Variants in MITF observed in about 807,000 individuals in gnomAD.
MITF encodes melanocyte inducing transcription factor, also known as microphthalmia-associated transcription factor.
Under a neutral mutation model 60.5 loss-of-function variants are expected in MITF, and 17 were observed. That is an observed-to-expected ratio of 0.28 (90% CI 0.19 to 0.42). The LOEUF is 0.42. MITF is among the 10% of genes least tolerant of loss of function. MITF has a pLI of 1.00. For synonymous variants in MITF, 260 were observed against 248.5 expected (o/e 1.05, Z -0.43); for missense variants, 622 against 683.5 (o/e 0.91, Z 1.00).
At position 69,739,527 on chromosome 3, in the gene MITF, C is replaced by T. The variant is rs1703445836; in HGVS notation, c.-71C>T. On this transcript the variant is annotated 5_prime_UTR_variant, in exon 1 of 10. Transcript: ENST00000352241. ...GGCGCACGGCTCGGGGGACCCAGGC[C>T]CAGCTACCTTCCCTCCGCCCCCGGG... The T allele has an allele frequency of 7.2e-7, 1 of 1,395,058 alleles. No individual in the cohort carries two copies. 86.4% of individuals were successfully genotyped at this position (1,395,058 alleles called of 1,614,324 possible).
At chr3:69,781,609 G>A (rs1360819923) in intron 1 of MITF, among the ~76,000 whole-genome samples, 2 of 152,080 alleles carry the variant, frequency 1.3e-5, no homozygotes, top group Non-Finnish European at 2.9e-5. Context: ...GTATTTTTCC[G>A]ATAAAGGGCC....
intron 9 of MITF, among the ~76,000 whole-genome samples, chr3:69,961,779 T>A (rs35996477): frequency 0.27 from 40,602 of 152,164 alleles, 5,450 homozygotes; most frequent in South Asian, 0.29. Context: ...CTTCTACAAG[T>A]ATTAAAATGT....
chr3:69,932,164 G>T (rs1319005673), intron 2 of MITF, among the ~76,000 whole-genome samples: 1 of 152,166 alleles, frequency 6.6e-6, no homozygotes, highest in Non-Finnish European at 1.5e-5. Context: ...GAGAGCAGGG[G>T]TCAGCATTTT....
rs561955864 is a variant in MITF, at chr3:69,959,012, G to A, written c.1032-261G>A. Among the ~76,000 whole-genome samples the A allele has an allele frequency of 1.9e-4, 28 of 150,980 alleles. No individual in the cohort carries two copies. In the East Asian group the frequency reaches 5.3e-3, roughly 29 times the overall value. ...ACTTTGGGGACTTGCGGGGAAGGGA[G>A]GGAGGGGGTGGGATGGGGGTGAGGG... On this transcript the variant is annotated intron_variant, in intron 8 of 9. Coordinates refer to ENST00000352241, the MANE Select transcript of MITF (RefSeq NM_001354604.2).
chr3:69,949,243 T>TA lies in MITF; in HGVS notation c.880+75_880+76insA, dbSNP rs2066179810. The TA allele has an allele frequency of 1.7e-5, 20 of 1,145,072 alleles. No homozygotes were observed. In the Admixed American group the frequency reaches 3.2e-4, roughly 18 times the overall value. The allele number at this position is 1,145,072 out of a possible 1,614,324, so 70.9% of individuals were successfully genotyped here. On this transcript the variant is annotated intron_variant, in intron 6 of 9. Coordinates refer to ENST00000352241, the MANE Select transcript of MITF (RefSeq NM_001354604.2). ...TGATAAGACAAAGTTATTGATATAG[T>TA]GATGTGCAAACTATATCCAACTCAT...
intron 7 of MITF, among the ~76,000 whole-genome samples, chr3:69,955,640 C>A (rs780377858): frequency 7.2e-5 from 11 of 151,956 alleles, no homozygotes; most frequent in Non-Finnish European, 1.2e-4. Flanking sequence ...ACAGTGAAAC[C>A]CCCTTCTCTA....
chr3:69,874,897 A>G (rs751240625), intron 1 of MITF, among the ~76,000 whole-genome samples: 4 of 152,216 alleles, frequency 2.6e-5, no homozygotes, highest in Non-Finnish European at 4.4e-5. Context: ...TTCAGAGCCC[A>G]TGTCCAAAAT....
At chr3:69,741,825 C>G (rs1029038522) in intron 1 of MITF, among the ~76,000 whole-genome samples, 2 of 152,216 alleles carry the variant, frequency 1.3e-5, no homozygotes, top group African/African-American at 4.8e-5. Context: ...TCGTCGACAT[C>G]TGTTGTGTGA....
At chr3:69,811,628 G>A (rs565240848) in intron 1 of MITF, among the ~76,000 whole-genome samples, 2 of 152,336 alleles carry the variant, frequency 1.3e-5, no homozygotes, top group South Asian at 4.1e-4. Context: ...CAAGCCAGTG[G>A]TGAACATTCA....
At chr3:69,888,401 T>G (rs1222564435) in intron 2 of MITF, among the ~76,000 whole-genome samples, 1 of 151,472 alleles carries the variant, frequency 6.6e-6, no homozygotes, top group East Asian at 1.9e-4. Flanking sequence ...GCAAAGAACC[T>G]TTTCTTTTTT....
rs111261020 is a variant in MITF at position 69,758,117 on chromosome 3, G to GCACA, written c.104+18438_104+18441dup. On this transcript the variant is annotated intron_variant, in intron 1 of 9. Coordinates refer to ENST00000352241, the MANE Select transcript of MITF (RefSeq NM_001354604.2). ...ATATATATATATAAATATATCATATGCACACACACACACACACACACACAC... is the reference window on the plus strand; with the variant it reads ...ATATATATATATAAATATATCATATGCACACACACACACACACACACACACACAC... Among the ~76,000 whole-genome samples the GCACA allele has an allele frequency of 1.7e-3, 206 of 120,138 alleles. 3 individuals carry two copies. The highest frequency in any genetic ancestry group is 4.2e-3 in the Admixed American group (49 of 11,798). 78.8% of individuals were successfully genotyped at this position (120,138 alleles called of 152,430 possible).
chr3:69,833,544 TG>T (rs1406192465), intron 1 of MITF, among the ~76,000 whole-genome samples: 1 of 152,042 alleles, frequency 6.6e-6, no homozygotes, highest in Non-Finnish European at 1.5e-5. Flanking sequence ...TGTATGTGAT[TG>T]TTTTTCTATG....
intron 1 of MITF, among the ~76,000 whole-genome samples, chr3:69,786,407 G>A (rs965408651): frequency 6.6e-6 from 1 of 152,068 alleles, no homozygotes; most frequent in Admixed American, 6.5e-5. Flanking sequence ...GAGGTAAGAC[G>A]CTTTTGAAGT....
intron 1 of MITF, among the ~76,000 whole-genome samples, chr3:69,754,362 G>A (rs1559610099): frequency 6.6e-6 from 1 of 152,076 alleles, no homozygotes; most frequent in Non-Finnish European, 1.5e-5. Flanking sequence ...GATTACAGGT[G>A]CATACCAACA....
chr3:69,900,928 A>G (rs974431800), intron 2 of MITF, among the ~76,000 whole-genome samples: 2 of 152,156 alleles, frequency 1.3e-5, no homozygotes, highest in African/African-American at 2.4e-5. Context: ...GAGGAAAAAT[A>G]GGTTTAACAC....
At chr3:69,914,238 C>T (rs1428753077) in intron 2 of MITF, among the ~76,000 whole-genome samples, 1 of 152,176 alleles carries the variant, frequency 6.6e-6, no homozygotes, top group Non-Finnish European at 1.5e-5. Context: ...TCTCCTGCCT[C>T]AGCCTTTTGA....
chr3:69,820,502 A>G (rs6778747), intron 1 of MITF, among the ~76,000 whole-genome samples: 51,318 of 152,072 alleles, frequency 0.34, 9,690 homozygotes, highest in Non-Finnish European at 0.43. Flanking sequence ...ATTTCTAGAA[A>G]CTAAGAGCTT....
chr3:69,841,475 A>G (rs1168270956), intron 1 of MITF, among the ~76,000 whole-genome samples: 24 of 152,186 alleles, frequency 1.6e-4, no homozygotes, highest in East Asian at 1.9e-4. Context: ...TGAGTGTGCT[A>G]TTTATACAAT....
intron 1 of MITF, among the ~76,000 whole-genome samples, chr3:69,834,877 TA>T (rs1363884254): frequency 6.6e-6 from 1 of 150,512 alleles, no homozygotes; most frequent in Non-Finnish European, 1.5e-5. Flanking sequence ...GTAGCCATTC[TA>T]ACTGGAGTGA....
Sources: allele counts gnomAD v4.1 joint callset (sites outside exome capture counted in the v4.1 genomes callset), GRCh38; gene constraint gnomAD v4.1.1; transcripts MANE v1.5; gene names NCBI Gene and HGNC (gene_info 2026-07-23, HGNC 2026-07-21).